The following XKR6 variants were observed in gnomAD, a reference collection of about 807,000 sequenced individuals.
The protein encoded by XKR6 is XK-related protein 6.
Under a neutral mutation model 56.7 loss-of-function variants are expected in XKR6, and 22 were observed. That is an observed-to-expected ratio of 0.39 (90% CI 0.28 to 0.55). The LOEUF (loss-of-function observed/expected upper bound fraction) is 0.55. Ranked by LOEUF, XKR6 falls within the 20% of genes least tolerant of loss-of-function variation. The pLI is 0.66. For synonymous variants in XKR6, 524 were observed against 387.8 expected (o/e 1.35, Z -4.13); for missense variants, 852 against 889.0 (o/e 0.96, Z 0.53).
At chr8:10,956,332 G>GGA (rs55724706) in intron 1 of XKR6, among the ~76,000 whole-genome samples, 152,281 of 152,282 alleles carry the variant, frequency 1, 76,140 homozygotes, top group Non-Finnish European at 1. Context: ...GCCCCGGGAT[G>GGA]TGGTGGGGGT....
At chr8:10,987,669 T>C (rs1198213435) in intron 1 of XKR6, among the ~76,000 whole-genome samples, 1 of 152,226 alleles carries the variant, frequency 6.6e-6, no homozygotes, top group African/African-American at 2.4e-5. Context: ...GTCTCTTCTC[T>C]GCTCAAAGCC....
chr8:11,142,506 C>A (rs1036992502), intron 1 of XKR6, among the ~76,000 whole-genome samples: 1 of 152,132 alleles, frequency 6.6e-6, no homozygotes, highest in Non-Finnish European at 1.5e-5. Context: ...GGGAGCAGAT[C>A]CCTCATGAAT....
intron 1 of XKR6, among the ~76,000 whole-genome samples, chr8:11,172,225 C>T (rs1404510796): frequency 2.0e-5 from 3 of 151,920 alleles, no homozygotes; most frequent in African/African-American, 7.3e-5. Flanking sequence ...CAAAAATTAG[C>T]GTGGCATTAT....
chr8:10,978,362 T>C (rs1414866526), intron 1 of XKR6, among the ~76,000 whole-genome samples: 3 of 152,234 alleles, frequency 2.0e-5, no homozygotes, highest in Admixed American at 2.0e-4. Context: ...TAATATAACA[T>C]TCAATAACTC....
chr8:11,049,751 A>C (rs1799498276), intron 1 of XKR6, among the ~76,000 whole-genome samples: 1 of 152,212 alleles, frequency 6.6e-6, no homozygotes, highest in African/African-American at 2.4e-5. Flanking sequence ...ATGGGTGAGA[A>C]AGAAGAAGAA....
intron 1 of XKR6, among the ~76,000 whole-genome samples, chr8:10,959,384 G>T (rs1207835759): frequency 2.0e-5 from 3 of 152,164 alleles, no homozygotes; most frequent in African/African-American, 7.2e-5. Flanking sequence ...GTTTTGGCCA[G>T]TATCTTAATC....
At chr8:10,900,031 C>G (rs769259178) in intron 2 of XKR6, among the ~76,000 whole-genome samples, 1 of 152,096 alleles carries the variant, frequency 6.6e-6, no homozygotes, top group Non-Finnish European at 1.5e-5. Flanking sequence ...TGCATCAGTT[C>G]CACAGTCCAT....
At chr8:11,093,815 G>A (rs573420190) in intron 1 of XKR6, among the ~76,000 whole-genome samples, 13 of 151,840 alleles carry the variant, frequency 8.6e-5, no homozygotes, top group Admixed American at 5.2e-4. Flanking sequence ...ATGGAGTCTC[G>A]CTCTGTCGCA....
At chr8:11,100,900 G>T (rs1325988115) in intron 1 of XKR6, among the ~76,000 whole-genome samples, 1 of 152,178 alleles carries the variant, frequency 6.6e-6, no homozygotes, top group Non-Finnish European at 1.5e-5. Context: ...TTATGGGAAG[G>T]TGCTGCCGGG....
chr8:11,116,761 C>G (rs1799196984), intron 1 of XKR6, among the ~76,000 whole-genome samples: 1 of 152,162 alleles, frequency 6.6e-6, no homozygotes. Context: ...ATCTCACAAC[C>G]TCATCCATGC....
intron 1 of XKR6, among the ~76,000 whole-genome samples, chr8:11,160,092 A>G (rs1801718563): frequency 6.6e-6 from 1 of 152,172 alleles, no homozygotes; most frequent in Non-Finnish European, 1.5e-5. Flanking sequence ...TTTGTTAATC[A>G]TCGTGAGGAA....
chr8:11,043,958 T>G (rs554629857), intron 1 of XKR6, among the ~76,000 whole-genome samples: 1 of 152,368 alleles, frequency 6.6e-6, no homozygotes, highest in Non-Finnish European at 1.5e-5. Flanking sequence ...AAGCTCTAAC[T>G]GTCACAGGGT....
At chr8:11,149,994 T>C (rs1350424599) in intron 1 of XKR6, among the ~76,000 whole-genome samples, 1 of 152,192 alleles carries the variant, frequency 6.6e-6, no homozygotes, top group Non-Finnish European at 1.5e-5. Context: ...AAATATTGCA[T>C]GTACTCACAT....
intron 2 of XKR6, among the ~76,000 whole-genome samples, chr8:10,911,247 G>C (rs1029295206): frequency 6.7e-6 from 1 of 148,770 alleles, no homozygotes; most frequent in South Asian, 2.1e-4. Flanking sequence ...TATAGAGAGA[G>C]AGAGAGAGAC....
chr8:10,960,179 G>C (rs1273192690), intron 1 of XKR6, among the ~76,000 whole-genome samples: 2 of 152,078 alleles, frequency 1.3e-5, no homozygotes, highest in Non-Finnish European at 2.9e-5. Context: ...GTGAGTGCAG[G>C]TATAGCAGGC....
intron 2 of XKR6, among the ~76,000 whole-genome samples, chr8:10,921,518 G>A (rs1800718142): frequency 1.3e-5 from 2 of 152,202 alleles, no homozygotes; most frequent in Admixed American, 1.3e-4. Context: ...TTTACAAAGT[G>A]CTCTCTTGTG....
chr8:10,974,087 C>G (rs1386782337), intron 1 of XKR6, among the ~76,000 whole-genome samples: 2 of 152,122 alleles, frequency 1.3e-5, no homozygotes, highest in Non-Finnish European at 2.9e-5. Context: ...TTCCATTGGT[C>G]CAGTGATCTC....
At position 11,074,021 on chromosome 8, in the gene XKR6, CAGAG is replaced by C. The variant is rs750296905; in HGVS notation, c.764+126551_764+126554del. ...AGAGAATTGAAAAAAGAAAAAAAAG[CAGAG>C]AGAGAGATTTGGGGGACATCACAGA... On this transcript the variant is annotated intron_variant, in intron 1 of 2. Coordinates refer to ENST00000416569, the MANE Select transcript of XKR6 (RefSeq NM_173683.4). Among the ~76,000 whole-genome samples, 4 of 152,232 alleles carry C rather than the reference CAGAG, an allele frequency of 2.6e-5. No individual in the cohort carries two copies. The East Asian group carries it at 5.8e-4, about 22-fold the overall frequency.
chr8:11,015,535 G>A (rs1798599007), intron 1 of XKR6, among the ~76,000 whole-genome samples: 1 of 152,170 alleles, frequency 6.6e-6, no homozygotes, highest in South Asian at 2.1e-4. Flanking sequence ...GGGAGGAGAG[G>A]GGGACGCTGG....
Sources: allele counts gnomAD v4.1 joint callset (sites outside exome capture counted in the v4.1 genomes callset), GRCh38; gene constraint gnomAD v4.1.1; transcripts MANE v1.5; gene names NCBI Gene and HGNC (gene_info 2026-07-23, HGNC 2026-07-21).